GSE1: variants seen among roughly 807,000 people sequenced by gnomAD.
GSE1 encodes the protein genetic suppressor element 1.
Under a neutral mutation model 112.6 loss-of-function variants are expected in GSE1, and 32 were observed. That is an observed-to-expected ratio of 0.28 (90% CI 0.21 to 0.38). The LOEUF is 0.38. Among genes scored for constraint, GSE1 ranks in the 10% least tolerant of loss-of-function variants. The probability of loss-of-function intolerance (pLI) is 1.00; values close to 1 mark genes in which losing one functional copy is unlikely to be tolerated. For synonymous variants in GSE1, 1,115 were observed against 735.6 expected (o/e 1.52, Z -8.35); for missense variants, 2,348 against 1,699.2 (o/e 1.38, Z -6.71).
intron 2 of GSE1, among the ~76,000 whole-genome samples, chr16:85,408,533 C>G (rs1367667015): frequency 2.3e-5 from 1 of 43,860 alleles, no homozygotes; most frequent in Admixed American, 1.8e-4. Flanking sequence ...CTGGATAATC[C>G]TCACTGTTAC....
intron 1 of GSE1, among the ~76,000 whole-genome samples, chr16:85,601,751 G>A (rs1339316981): frequency 6.6e-6 from 1 of 152,220 alleles, no homozygotes; most frequent in Non-Finnish European, 1.5e-5. Context: ...GTTCCTTGCA[G>A]CCGACGTGAG....
chr16:85,172,014 A>T (rs2074367119), intron 1 of GSE1, among the ~76,000 whole-genome samples: 1 of 152,154 alleles, frequency 6.6e-6, no homozygotes, highest in Non-Finnish European at 1.5e-5. Flanking sequence ...GGCATGGGGC[A>T]GGGGTCAGAG....
At chr16:85,548,782 T>C (rs539986900) in intron 2 of GSE1, among the ~76,000 whole-genome samples, 1 of 152,158 alleles carries the variant, frequency 6.6e-6, no homozygotes, top group South Asian at 2.1e-4. Context: ...TCCAGGATGA[T>C]CTGGTCTGGG....
intron 2 of GSE1, among the ~76,000 whole-genome samples, chr16:85,500,436 T>C (rs1342175709): frequency 2.0e-5 from 3 of 152,138 alleles, no homozygotes; most frequent in African/African-American, 7.2e-5. Context: ...CAAAAGCAGC[T>C]CCCCACTGAC....
intron 2 of GSE1, among the ~76,000 whole-genome samples, chr16:85,451,554 G>A (rs113485548): frequency 0.031 from 14 of 452 alleles, 7 homozygotes; most frequent in Admixed American, 0.067. Flanking sequence ...GCGTGCGCTG[G>A]TGGTGGTTGG....
At chr16:85,368,660 G>A (rs1196381197) in intron 2 of GSE1, among the ~76,000 whole-genome samples, 1 of 152,212 alleles carries the variant, frequency 6.6e-6, no homozygotes, top group African/African-American at 2.4e-5. Context: ...AGCCATGCTT[G>A]CATCACTGTA....
At chr16:85,493,300 T>G (rs576317133) in intron 2 of GSE1, among the ~76,000 whole-genome samples, 1 of 151,984 alleles carries the variant, frequency 6.6e-6, no homozygotes, top group South Asian at 2.1e-4. Context: ...AAAATAATAT[T>G]AGCTGGGCAG....
chr16:85,342,034 T>C (rs1171836890), intron 1 of GSE1, among the ~76,000 whole-genome samples: 1 of 152,082 alleles, frequency 6.6e-6, no homozygotes, highest in African/African-American at 2.4e-5. Context: ...CACAGGGACT[T>C]GCAGGTGAGC....
chr16:85,413,259 G>A (rs2048624583), intron 2 of GSE1, among the ~76,000 whole-genome samples: 1 of 152,204 alleles, frequency 6.6e-6, no homozygotes, highest in African/African-American at 2.4e-5. Flanking sequence ...GAGAGTGTGG[G>A]ACACGGGGAA....
intron 2 of GSE1, among the ~76,000 whole-genome samples, chr16:85,403,866 T>C (rs1005952686): frequency 5.9e-5 from 9 of 152,138 alleles, no homozygotes; most frequent in Admixed American, 2.6e-4. Context: ...AACTCCAGCA[T>C]CAAGGTGTGG....
chr16:85,548,939 G>A (rs1430766265), intron 2 of GSE1, among the ~76,000 whole-genome samples: 8 of 152,128 alleles, frequency 5.3e-5, no homozygotes, highest in Admixed American at 1.3e-4. Flanking sequence ...ACAGGCGTGC[G>A]CCACCACGTC....
intron 1 of GSE1, among the ~76,000 whole-genome samples, chr16:85,192,666 C>T (rs1316689013): frequency 2.6e-5 from 4 of 152,172 alleles, no homozygotes; most frequent in African/African-American, 9.7e-5. Context: ...TCGTCGGGCA[C>T]TGGGGAGCCT....
At chr16:85,555,064 A>G, upstream of GSE1, 3 of 985,354 alleles carry the variant, frequency 3.0e-6, no homozygotes, top group Non-Finnish European at 3.6e-6. Flanking sequence ...CGCCCTGCGA[A>G]GCATGGAGCT....
chr16:85,666,514 T>C (rs576688335), intron 13 of GSE1, 167 bp downstream of exon 13: 32 of 673,888 alleles, frequency 4.7e-5, no homozygotes, highest in African/African-American at 4.7e-4. Flanking sequence ...TGTTTGTTTG[T>C]TTATCTCCAA....
intron 2 of GSE1, among the ~76,000 whole-genome samples, chr16:85,519,163 T>A (rs1209927005): frequency 2.0e-5 from 3 of 150,712 alleles, no homozygotes; most frequent in African/African-American, 7.3e-5. Flanking sequence ...CCACTTAGGT[T>A]CTAGGTATTT....
intron 2 of GSE1, among the ~76,000 whole-genome samples, chr16:85,487,960 C>G (rs1302882794): frequency 2.0e-5 from 3 of 152,220 alleles, no homozygotes; most frequent in Non-Finnish European, 4.4e-5. Context: ...ACCCCAGTGC[C>G]ACTAGTCACT....
At position 85,319,476 on chromosome 16, in the gene GSE1, A is replaced by G. The variant is rs570598957; in HGVS notation, c.2284-37987A>G. On this transcript the variant is annotated intron_variant, in intron 1 of 2. Coordinates refer to the GSE1 transcript ENST00000637419. ...GTCCTCACCCTTCCGTTCCAGCGGG[A>G]GTGGGTGGGGTGGCGAGCGTCGGGC... 1.3e-4 allele frequency among the ~76,000 whole-genome samples: 19 copies of G among 151,648 alleles called. 1 individual carries two copies. The highest frequency in any genetic ancestry group is 1.2e-3 in the Admixed American group (18 of 15,266).
At chr16:85,481,769 A>G (rs1052942084) in intron 2 of GSE1, among the ~76,000 whole-genome samples, 3 of 152,100 alleles carry the variant, frequency 2.0e-5, no homozygotes, top group Non-Finnish European at 4.4e-5. Context: ...ACTTTGGGAG[A>G]TGTGGTGAGA....
At chr16:85,246,805 C>T (rs545871801) in intron 1 of GSE1, among the ~76,000 whole-genome samples, 1 of 152,190 alleles carries the variant, frequency 6.6e-6, no homozygotes, top group East Asian at 1.9e-4. Context: ...ATGTCTGTGG[C>T]CCCTACTGAG....
Sources: allele counts gnomAD v4.1 joint callset (sites outside exome capture counted in the v4.1 genomes callset), GRCh38; gene constraint gnomAD v4.1.1; transcripts MANE v1.5; gene names NCBI Gene and HGNC (gene_info 2026-07-23, HGNC 2026-07-21).